Variants in SYN3 observed in about 807,000 individuals in gnomAD.
SYN3 encodes the protein synapsin-3.
SYN3 carries 35 observed loss-of-function variants against 65.8 expected under a neutral mutation model. That is an observed-to-expected ratio of 0.53 (90% CI 0.41 to 0.70). SYN3 has a LOEUF of 0.70. Ranked by LOEUF, SYN3 falls within the 30% of genes least tolerant of loss-of-function variation. SYN3 has a pLI of 0.00. For synonymous variants in SYN3, 270 were observed against 292.9 expected, an observed-to-expected ratio of 0.92 and a Z score of 0.80; for missense variants, 680 against 749.0, an observed-to-expected ratio of 0.91 and a Z score of 1.08.
intron 4 of SYN3, among the ~76,000 whole-genome samples, chr22:32,903,254 T>G (rs981511950): frequency 1.3e-5 from 2 of 152,316 alleles, no homozygotes; most frequent in East Asian, 1.9e-4. Context: ...CTCATAGGGT[T>G]GTTTTGAAGA....
intron 7 of SYN3, among the ~76,000 whole-genome samples, chr22:32,595,085 ACCCCCAGTG>A (rs984106190): frequency 1.9e-4 from 29 of 152,062 alleles, no homozygotes; most frequent in African/African-American, 7.0e-4. Flanking sequence ...ACTGTGGGAG[ACCCCCAGTG>A]CCCCCTTTCC....
At chr22:33,028,764 A>C (rs133972) in intron 1 of SYN3, among the ~76,000 whole-genome samples, 1 of 151,082 alleles carries the variant, frequency 6.6e-6, no homozygotes, top group Non-Finnish European at 1.5e-5. Flanking sequence ...CACTGTGGCC[A>C]GCACGGTGGC....
At chr22:32,961,273 C>T (rs1383834185) in intron 3 of SYN3, among the ~76,000 whole-genome samples, 3 of 152,134 alleles carry the variant, frequency 2.0e-5, no homozygotes, top group Non-Finnish European at 2.9e-5. Context: ...GCTACTAATA[C>T]AGAAGAGGAG....
At chr22:33,048,093 A>G (rs189640545) in intron 1 of SYN3, among the ~76,000 whole-genome samples, 2 of 152,214 alleles carry the variant, frequency 1.3e-5, no homozygotes, top group African/African-American at 4.8e-5. Context: ...CAACACCTGG[A>G]CACTAGTGGC....
intron 7 of SYN3, among the ~76,000 whole-genome samples, chr22:32,548,792 C>A (rs11089573): frequency 0.42 from 63,214 of 152,068 alleles, 13,758 homozygotes; most frequent in East Asian, 0.7. Flanking sequence ...CACTATTAAA[C>A]ATCCATCCTA....
chr22:32,538,148 A>G lies in SYN3; in HGVS notation c.918-38T>C, dbSNP rs2058196010. The G allele has an allele frequency of 3.2e-6, 5 of 1,571,298 alleles. No homozygotes were observed. In the South Asian group the frequency reaches 5.5e-5, roughly 17 times the overall value. ...AAACAACACATTGAGGGAATTAGGGACCCTCGTCACTGATCTGCTTTCCTT... is the reference window on the plus strand; with the variant it reads ...AAACAACACATTGAGGGAATTAGGGGCCCTCGTCACTGATCTGCTTTCCTT... On this transcript the variant is annotated intron_variant, in intron 8 of 13. Coordinates refer to ENST00000358763, the MANE Select transcript of SYN3 (RefSeq NM_003490.4).
chr22:32,909,465 G>A (rs970831012), intron 4 of SYN3, among the ~76,000 whole-genome samples: 2 of 152,126 alleles, frequency 1.3e-5, no homozygotes, highest in Non-Finnish European at 2.9e-5. Context: ...TCTTTATTAC[G>A]ATGATGGAGA....
At chr22:32,795,720 G>A (rs1001598968) in intron 6 of SYN3, among the ~76,000 whole-genome samples, 1 of 152,194 alleles carries the variant, frequency 6.6e-6, no homozygotes, top group South Asian at 2.1e-4. Flanking sequence ...AAGAACCTGA[G>A]GAGTCTGCCA....
chr22:33,037,323 C>G (rs747321578), intron 1 of SYN3, among the ~76,000 whole-genome samples: 2 of 152,146 alleles, frequency 1.3e-5, no homozygotes, highest in Non-Finnish European at 2.9e-5. Context: ...AAAGTCTGAG[C>G]TCCTTTCTCC....
intron 7 of SYN3, among the ~76,000 whole-genome samples, chr22:32,569,563 C>CTATATATATATATATA (rs373627613): frequency 1.9e-5 from 1 of 52,880 alleles, no homozygotes; most frequent in Non-Finnish European, 3.9e-5. Flanking sequence ...CTCTCTCTCT[C>CTATATATATATATATA]TCTCTCTCTA....
At position 32,801,047 on chromosome 22, in the gene SYN3, C is replaced by A. The variant is rs2046558428; in HGVS notation, c.711+63868G>T. Among the ~76,000 whole-genome samples, 1 of 152,196 alleles carries A rather than the reference C, an allele frequency of 6.6e-6. No individual in the cohort carries two copies. On this transcript the variant is annotated intron_variant, in intron 6 of 13. Transcript: ENST00000358763. The surrounding 1 kb of genome is among the most constrained non-coding windows in gnomAD (Gnocchi z 4.7). ...GTGTTGCTTAACCCAGCATCCTGAA[C>A]CGTGTTTGTTGAATGAATACAGAAC...
At chr22:32,669,960 T>G (rs1015799206) in intron 6 of SYN3, among the ~76,000 whole-genome samples, 3 of 152,250 alleles carry the variant, frequency 2.0e-5, no homozygotes, top group South Asian at 4.1e-4. Context: ...GAGAATGCAA[T>G]GAAAGCAACA....
chr22:32,534,346 A>C (rs1471243448), intron 9 of SYN3, among the ~76,000 whole-genome samples: 1 of 151,538 alleles, frequency 6.6e-6, no homozygotes, highest in East Asian at 2.0e-4. Flanking sequence ...CAAGGGCTCC[A>C]GAAGTCCCTC....
chr22:32,921,868 C>T (rs58652298), intron 4 of SYN3, among the ~76,000 whole-genome samples: 2,923 of 152,198 alleles, frequency 0.019, 113 homozygotes, highest in African/African-American at 0.067. Flanking sequence ...AGATAAGTTA[C>T]TGCCCACGGT....
intron 6 of SYN3, among the ~76,000 whole-genome samples, chr22:32,711,842 C>T (rs568135654): frequency 6.6e-6 from 1 of 152,338 alleles, no homozygotes; most frequent in South Asian, 2.1e-4. Context: ...GAAATGCTTG[C>T]TTCCAGGAGT....
At chr22:32,565,240 A>G (rs978807736) in intron 7 of SYN3, among the ~76,000 whole-genome samples, 48 of 152,326 alleles carry the variant, frequency 3.2e-4, no homozygotes, top group African/African-American at 1.1e-3. Context: ...GCTTATCACT[A>G]TGCTGAGTTG....
chr22:32,842,162 C>T (rs74438510), intron 6 of SYN3, among the ~76,000 whole-genome samples: 2 of 152,156 alleles, frequency 1.3e-5, no homozygotes, highest in African/African-American at 2.4e-5. Context: ...AACAGGGCAG[C>T]GACTTCACCC....
chr22:32,761,095 G>A (rs546348692), intron 6 of SYN3, among the ~76,000 whole-genome samples: 1 of 152,302 alleles, frequency 6.6e-6, no homozygotes, highest in East Asian at 1.9e-4. Flanking sequence ...TGAGGGCTGG[G>A]AGGTGGAGAG....
rs5845054 is a variant in SYN3 at position 32,956,041 on chromosome 22, CATAT to C, written c.370-24564_370-24561del. Among the ~76,000 whole-genome samples the C allele has an allele frequency of 5.4e-5, 7 of 130,676 alleles. No homozygotes were observed. The South Asian group carries it at 9.1e-4, about 17-fold the overall frequency. The allele number at this position is 130,676 out of a possible 152,430, so 85.7% of individuals were successfully genotyped here. On this transcript the variant is annotated intron_variant, in intron 3 of 13. Transcript: ENST00000358763. ...GAGTTAATACTACTTAATAAATTCA[CATAT>C]ATATATATATATATATAAAATCTCC... is the stretch of plus-strand genomic sequence containing the variant.
Sources: gnomAD v4.1 joint callset for allele counts (sites outside exome capture counted in the v4.1 genomes callset) on GRCh38, gnomAD v4.1.1 for gene constraint, Gnocchi (gnomAD v3.1) non-coding constraint, MANE v1.5 for transcripts, NCBI Gene and HGNC (gene_info 2026-07-23, HGNC 2026-07-21) for gene names.